The following RGS16 variants were observed in gnomAD, a reference collection of about 807,000 sequenced individuals.
The protein encoded by RGS16 is hRGS-r.
RGS16 carries 12 observed loss-of-function variants against 18.1 expected under a neutral mutation model. The observed-to-expected ratio is 0.66, with a 90% CI of 0.42 to 1.07. RGS16 has a LOEUF of 1.07. RGS16 is among the 50% of genes least tolerant of loss of function. RGS16 has a pLI of 0.00. For synonymous variants in RGS16, 88 were observed against 102.0 expected (o/e 0.86, Z 0.83); for missense variants, 238 against 249.2 (o/e 0.95, Z 0.30).
rs1347837502 is a variant in RGS16 at position 182,600,083 on chromosome 1, G to A, written c.*209C>T. On this transcript the variant is annotated 3_prime_UTR_variant, in exon 5 of 5. Transcript: ENST00000367558. The stretch of plus-strand genomic sequence containing the variant: ...TTATTCACAGGTCCTGGAAGTGGGC[G>A]GCTCCTCTCCAGCATGAGTCCCACA... The A allele has an allele frequency of 1.0e-5, 6 of 586,194 alleles. No individual in the cohort carries two copies. The highest frequency in any genetic ancestry group is 1.5e-5 in the Non-Finnish European group (5 of 331,530). The allele number at this position is 586,194 out of a possible 1,614,324, so 36.3% of individuals were successfully genotyped here. A position where few individuals can be genotyped will look rare whatever the true frequency, so the allele number is the denominator to read the frequency against.
Position 182,604,094 on chromosome 1 carries a change from C to G in RGS16, c.44+122G>C. 4.0e-6 allele frequency: 4 copies of G among 987,958 alleles called. No homozygotes were observed. The South Asian group carries it at 5.8e-5, about 14-fold the overall frequency. The allele number at this position is 987,958 out of a possible 1,614,324, so 61.2% of individuals were successfully genotyped here. A position where few individuals can be genotyped will look rare whatever the true frequency, so the allele number is the denominator to read the frequency against. ...TGAGCACGTGGCATCAAGTGCGCTT[C>G]TACCTCTCTACTCAAGCCTCTAGCG... On this transcript the variant is annotated intron_variant, in intron 1 of 4. Transcript: ENST00000367558.
chr1:182,600,145 T>C lies in RGS16; in HGVS notation c.*147A>G, dbSNP rs1192239065. On this transcript the variant is annotated 3_prime_UTR_variant, in exon 5 of 5. Coordinates refer to ENST00000367558, the MANE Select transcript of RGS16 (RefSeq NM_002928.4). ...AGAGACTGCTGCTTCCCAAACAGGC[T>C]GCTGGAGCGCATTTTTTTTTTTTTT... is the stretch of plus-strand genomic sequence containing the variant. 3.0e-6 allele frequency: 2 copies of C among 658,244 alleles called. No homozygotes were observed. 40.8% of individuals were successfully genotyped at this position (658,244 alleles called of 1,614,324 possible).
chr1:182,601,833 G>A, intron 4 of RGS16, 133 bp downstream of exon 4: 1 of 1,088,510 alleles, frequency 9.2e-7, no homozygotes, highest in East Asian at 2.4e-5. Flanking sequence ...GGTCACAGAA[G>A]CCCAGTCACC....
rs756798745 is a variant in RGS16, at chr1:182,603,251, C to T, written c.133G>A (p.Gly45Ser). The part of the protein sequence containing the change: ...DTGSTGKFEW[G>S]SKHSKENRNF... ...TACTTCTCTTTGCTGTGTTTACTGC[C>T]CCACTCGAACTTGCCAGTACTCCCA... The change falls in exon 2 of 5, where the codon GGC becomes AGC. Residue 45 changes from glycine to serine, a missense_variant. Coordinates refer to ENST00000367558, the MANE Select transcript of RGS16 (RefSeq NM_002928.4). The T allele has an allele frequency of 3.2e-5, 51 of 1,613,656 alleles. No homozygotes were observed. Among genetic ancestry groups the T allele is most frequent in the Non-Finnish European group, 4.1e-5 (48 of 1,179,656 alleles).
In RGS16 at chr1:182,600,516, G is replaced by C. The variant is rs748611635; in HGVS notation, c.388-3C>G. On this transcript the variant is annotated splice_polypyrimidine_tract_variant and splice_region_variant and intron_variant, in intron 4 of 4. Coordinates refer to ENST00000367558, the MANE Select transcript of RGS16 (RefSeq NM_002928.4). ...TGGGTCTCATGGTCAATGTTGACCT[G>C]CGGGAAGGAGGACACACACAGGGTG... 2.5e-6 allele frequency: 4 copies of C among 1,612,992 alleles called. No individual in the cohort carries two copies. The highest frequency in any genetic ancestry group is 3.4e-6 in the Non-Finnish European group (4 of 1,179,048).
rs1661820333 is a variant in RGS16, at chr1:182,599,298, A to G, written c.*994T>C. 1 of 152,196 alleles carries G rather than the reference A, an allele frequency of 6.6e-6. No individual in the cohort carries two copies. Among genetic ancestry groups the G allele is most frequent in the African/African-American group, 2.4e-5 (1 of 41,412 alleles). The allele number at this position is 152,196 out of a possible 1,614,324, so 9.4% of individuals were successfully genotyped here. A position where few individuals can be genotyped will look rare whatever the true frequency, so the allele number is the denominator to read the frequency against. Reference sequence around the variant, plus strand: ...CTTTTTGCCTGTTCTCATACCACAAAAAACACTGGCTGGATTTCAGCAGGA... The same window carrying G: ...CTTTTTGCCTGTTCTCATACCACAAGAAACACTGGCTGGATTTCAGCAGGA... On this transcript the variant is annotated 3_prime_UTR_variant, in exon 5 of 5. Transcript: ENST00000367558.
In RGS16 at chr1:182,600,209, C is replaced by G. The variant is rs974447611; in HGVS notation, c.*83G>C. 3.4e-6 allele frequency: 3 copies of G among 885,042 alleles called. No individual in the cohort carries two copies. Among genetic ancestry groups the G allele is most frequent in the Admixed American group, 1.9e-5 (1 of 53,092 alleles). The allele number at this position is 885,042 out of a possible 1,614,324, so 54.8% of individuals were successfully genotyped here. ...TCCTCTTGCACTTGCTTTGCAGAACCTGCCTCCCACACAGGGGCAGCCACC... is the reference window on the plus strand; with the variant it reads ...TCCTCTTGCACTTGCTTTGCAGAACGTGCCTCCCACACAGGGGCAGCCACC... On this transcript the variant is annotated 3_prime_UTR_variant, in exon 5 of 5. Coordinates refer to ENST00000367558, the MANE Select transcript of RGS16 (RefSeq NM_002928.4).
intron 1 of RGS16, 52 bp from the exon 2 acceptor site, chr1:182,603,391 G>A (rs1661899721): frequency 8.0e-6 from 12 of 1,491,658 alleles, no homozygotes; most frequent in Non-Finnish European, 1.1e-5. Context: ...CTCAGCCAGT[G>A]TGGAGAGGTT....
At chr1:182,603,173 G>A in intron 2 of RGS16, 56 bp downstream of exon 2, 2 of 1,272,672 alleles carry the variant, frequency 1.6e-6, no homozygotes. Flanking sequence ...CCCTCCTCAT[G>A]ACTCCCTTCC....
In RGS16 at chr1:182,598,757, T is replaced by C. The variant is rs1661808854; in HGVS notation, c.*1535A>G. 2 of 152,370 alleles carry C rather than the reference T, an allele frequency of 1.3e-5. No homozygotes were observed. The highest frequency in any genetic ancestry group is 2.1e-4 in the South Asian group (1 of 4,828). The allele number at this position is 152,370 out of a possible 1,614,324, so 9.4% of individuals were successfully genotyped here. On this transcript the variant is annotated 3_prime_UTR_variant, in exon 5 of 5. Coordinates refer to ENST00000367558, the MANE Select transcript of RGS16 (RefSeq NM_002928.4). ...AAATAAATATTTAAACAGTGAGGAG[T>C]TCCTGACAGGCTCCAAGAGGTTCCC...
At chr1:182,600,896 G>A (rs1469688649) in intron 4 of RGS16, among the ~76,000 whole-genome samples, 2 of 152,128 alleles carry the variant, frequency 1.3e-5, no homozygotes, top group African/African-American at 2.4e-5. Flanking sequence ...GCTACAGTGA[G>A]CCTTTAAAAA....
At chr1:182,603,094 G>A (rs1661893521) in intron 2 of RGS16, 135 bp downstream of exon 2, 1 of 702,700 alleles carries the variant, frequency 1.4e-6, no homozygotes, top group Non-Finnish European at 2.6e-6. Flanking sequence ...CCAGCAACAA[G>A]TCCCACTAAA....
rs595069 is a variant in RGS16 at position 182,602,979 on chromosome 1, G to C, written c.155+250C>G. 3.4e-3 allele frequency among the ~76,000 whole-genome samples: 519 copies of C among 152,304 alleles called. 5 individuals are homozygous for C. Among genetic ancestry groups the C allele is most frequent in the African/African-American group, 0.012 (491 of 41,560 alleles). On this transcript the variant is annotated intron_variant, in intron 2 of 4. Coordinates refer to ENST00000367558, the MANE Select transcript of RGS16 (RefSeq NM_002928.4). ...GTGCAATGAATCCCGAGGTGGGAGA[G>C]TCTGGGAACTAGGCATTCATGCCCT...
At chr1:182,601,876 C>T (rs1252520968) in intron 4 of RGS16, 90 bp downstream of exon 4, 3 of 1,517,514 alleles carry the variant, frequency 2.0e-6, no homozygotes, top group Admixed American at 1.7e-5. Context: ...TACCTCTACA[C>T]CTAGCCCTTC....
At chr1:182,604,125 T>C (rs1571280193) in intron 1 of RGS16, 91 bp downstream of exon 1, 1 of 1,360,242 alleles carries the variant, frequency 7.4e-7, no homozygotes, top group East Asian at 2.6e-5. Context: ...TAGCGCCCCA[T>C]CCCCGCGCCC....
At position 182,604,239 on chromosome 1, in the gene RGS16, G is replaced by C; in HGVS notation, c.21C>G (p.Ala7=). The C allele has an allele frequency of 6.4e-7, 1 of 1,551,838 alleles. No individual in the cohort carries two copies. Among genetic ancestry groups the C allele is most frequent in the Non-Finnish European group, 8.7e-7 (1 of 1,147,068 alleles). Residue 7 remains alanine, a synonymous_variant, in exon 1 of 5, where the codon GCC becomes GCG. Transcript: ENST00000367558. MCRTLA[A]FPTTCLERAK... Reference sequence around the variant, plus strand: ...ACCTCTCCAGGCAGGTGGTGGGGAAGGCGGCCAGGGTGCGGCACATGGCTG... The same window carrying C: ...ACCTCTCCAGGCAGGTGGTGGGGAACGCGGCCAGGGTGCGGCACATGGCTG...
chr1:182,604,279 C>A lies in RGS16; in HGVS notation c.-20G>T. 1 of 1,547,658 alleles carries A rather than the reference C, an allele frequency of 6.5e-7. No individual in the cohort carries two copies. The highest frequency in any genetic ancestry group is 8.7e-7 in the Non-Finnish European group (1 of 1,145,480). On this transcript the variant is annotated 5_prime_UTR_variant, in exon 1 of 5. Coordinates refer to ENST00000367558, the MANE Select transcript of RGS16 (RefSeq NM_002928.4). Reference sequence around the variant, plus strand: ...GCACATGGCTGCGGGCGCAGGGCAGCACGTAGTAGGCAGGATGGTGGCAGG... The same window carrying A: ...GCACATGGCTGCGGGCGCAGGGCAGAACGTAGTAGGCAGGATGGTGGCAGG...
In RGS16 at chr1:182,603,337, G is replaced by C. The variant is rs1374633959; in HGVS notation, c.47C>G (p.Ala16Gly). 1.2e-6 allele frequency: 2 copies of C among 1,612,980 alleles called. No homozygotes were observed. Among genetic ancestry groups the C allele is most frequent in the Middle Eastern group, 1.6e-4 (1 of 6,062 alleles). ...CCCCAGACGTGTCTTGAACTCTTTG[G>C]CTCTGAAAAACAAATCAGGAACATG... is the stretch of plus-strand genomic sequence containing the variant. ...AAFPTTCLERAKEFKTRLGIF... is the reference protein window; with the variant it reads ...AAFPTTCLERGKEFKTRLGIF... The change falls in exon 2 of 5, where the codon GCC becomes GGC. Residue 16 changes from alanine to glycine, a missense_variant and splice_region_variant. Transcript: ENST00000367558.
intron 4 of RGS16, 128 bp from the exon 5 acceptor site, chr1:182,600,641 T>A (rs567465351): frequency 4.2e-6 from 3 of 717,224 alleles, no homozygotes; most frequent in Non-Finnish European, 7.4e-6. Context: ...GGCTCCTGAG[T>A]TGATCACTAG....
Sources: gnomAD v4.1 joint callset for allele counts (sites outside exome capture counted in the v4.1 genomes callset) on GRCh38, gnomAD v4.1.1 for gene constraint, MANE v1.5 for transcripts, NCBI Gene and HGNC (gene_info 2026-07-23, HGNC 2026-07-21) for gene names.